The following SDSL variants were observed in gnomAD, a reference collection of about 807,000 sequenced individuals.
SDSL encodes the protein serine dehydratase like.
Under a neutral mutation model 27.6 loss-of-function variants are expected in SDSL, and 26 were observed. That is an observed-to-expected ratio of 0.94 (90% confidence interval 0.69 to 1.31). SDSL has a LOEUF of 1.31. Among genes scored for constraint, SDSL ranks in the 50% most tolerant of loss-of-function variants. The probability of loss-of-function intolerance (pLI) is 0.00; values close to 1 mark genes in which losing one functional copy is unlikely to be tolerated. For synonymous variants in SDSL, 196 were observed against 180.6 expected, an observed-to-expected ratio of 1.09 and a Z score of -0.69; for missense variants, 431 against 423.5, an observed-to-expected ratio of 1.02 and a Z score of -0.16.
Position 113,438,261 on chromosome 12 carries a change from A to ACT in SDSL, c.*183_*184insTC. On this transcript the variant is annotated 3_prime_UTR_variant, in exon 8 of 8. Coordinates refer to ENST00000403593, the MANE Select transcript of SDSL (RefSeq NM_001304993.2). ...GCTCTCCGACAACTCCGGCCAATAAACACTTTCTGAATTGAGTTTGCGAAT... is the reference window on the plus strand; with the variant it reads ...GCTCTCCGACAACTCCGGCCAATAAACTCACTTTCTGAATTGAGTTTGCGAAT... 1.9e-6 allele frequency: 1 copy of ACT among 514,908 alleles called. No individual in the cohort carries two copies. Among genetic ancestry groups the ACT allele is most frequent in the South Asian group, 3.1e-5 (1 of 32,172 alleles). The allele number at this position is 514,908 out of a possible 1,614,324, so 31.9% of individuals were successfully genotyped here.
intron 1 of SDSL, among the ~76,000 whole-genome samples, chr12:113,427,416 G>C (rs1371877553): frequency 6.6e-6 from 1 of 152,236 alleles, no homozygotes; most frequent in African/African-American, 2.4e-5. Flanking sequence ...CCTGCCAGCT[G>C]AAGGTCTTTA....
At chr12:113,423,992 G>A (rs944413258) in intron 1 of SDSL, among the ~76,000 whole-genome samples, 17 of 151,998 alleles carry the variant, frequency 1.1e-4, no homozygotes, top group African/African-American at 4.1e-4. Flanking sequence ...CTCATTTTTC[G>A]GGTCTAATTT....
rs376507324 is a variant in SDSL at position 113,429,058 on chromosome 12, A to G, written c.215-102A>G. ...AGGAAGGAGTCAATGGGGCATATGA[A>G]TGTTGGGGACGAGTGACTCTGAAGG... On this transcript the variant is annotated intron_variant, in intron 3 of 7. Coordinates refer to ENST00000403593, the MANE Select transcript of SDSL (RefSeq NM_001304993.2). 255 of 1,389,166 alleles carry G rather than the reference A, an allele frequency of 1.8e-4. 2 individuals are homozygous for G. In the South Asian group the frequency reaches 3.4e-3, roughly 18 times the overall value. The allele number at this position is 1,389,166 out of a possible 1,614,324, so 86.1% of individuals were successfully genotyped here. A position where few individuals can be genotyped will look rare whatever the true frequency, so the allele number is the denominator to read the frequency against.
At position 113,437,957 on chromosome 12, in the gene SDSL, A is replaced by G; in HGVS notation, c.868A>G (p.Arg290Gly). Residue 290 changes from arginine (R) to glycine (G), a missense_variant, in exon 8 of 8, where the codon AGG becomes GGG. Transcript: ENST00000403593. ...AGCCATCTACTCAGGCCTCCTGCGG[A>G]GGCTCCAGGCCGAGGGCTGCCTGCC... ...LAAIYSGLLRRLQAEGCLPPS... is the reference protein window; with the variant it reads ...LAAIYSGLLRGLQAEGCLPPS... 2 of 1,614,072 alleles carry G rather than the reference A, an allele frequency of 1.2e-6. No homozygotes were observed. The highest frequency in any genetic ancestry group is 1.7e-6 in the Non-Finnish European group (2 of 1,179,948).
In SDSL at chr12:113,432,276, CTT is replaced by C. The variant is rs1245601677; in HGVS notation, c.355-1856_355-1855del. Reference sequence around the variant, plus strand: ...TCTTTCTTTCTTTCTTTCTTTCTTTCTTTCTTTCTTTCTTTCTCTCTCTCTCT... The same window carrying C: ...TCTTTCTTTCTTTCTTTCTTTCTTTCTCTTTCTTTCTTTCTCTCTCTCTCT... On this transcript the variant is annotated intron_variant, in intron 4 of 7. Transcript: ENST00000403593. Among the ~76,000 whole-genome samples the C allele has an allele frequency of 2.6e-3, 339 of 131,002 alleles. 3 individuals carry two copies. Among genetic ancestry groups the C allele is most frequent in the African/African-American group, 8.7e-3 (290 of 33,378 alleles). 85.9% of individuals were successfully genotyped at this position (131,002 alleles called of 152,430 possible).
intron 4 of SDSL, among the ~76,000 whole-genome samples, chr12:113,432,270 T>TTCTCTCTCTC (rs1180524457): frequency 1.7e-5 from 2 of 116,266 alleles, no homozygotes; most frequent in African/African-American, 6.4e-5. Flanking sequence ...CTTTCTTTCT[T>TTCTCTCTCTC]TCTTTCTTTC....
intron 1 of SDSL, chr12:113,426,311 G>C (rs1329550947): frequency 2.2e-6 from 1 of 453,984 alleles, no homozygotes; most frequent in South Asian, 1.6e-5. Context: ...GATGGAGGCA[G>C]AGTTAAAAGA....
chr12:113,423,835 G>A (rs745944627), intron 1 of SDSL, among the ~76,000 whole-genome samples: 10 of 152,090 alleles, frequency 6.6e-5, no homozygotes, highest in Non-Finnish European at 1.2e-4. Flanking sequence ...GAAAAATCTG[G>A]GGATTTCACC....
chr12:113,435,658 C>T lies in SDSL; in HGVS notation c.671+102C>T, dbSNP rs113567755. Reference sequence around the variant, plus strand: ...GGTGGAGACGGGGGCACCCAAAAGGCTGTCCTTGGTCCTGGGACTCCAACC... The same window carrying T: ...GGTGGAGACGGGGGCACCCAAAAGGTTGTCCTTGGTCCTGGGACTCCAACC... On this transcript the variant is annotated intron_variant, in intron 6 of 7. Coordinates refer to ENST00000403593, the MANE Select transcript of SDSL (RefSeq NM_001304993.2). 177 of 962,094 alleles carry T rather than the reference C, an allele frequency of 1.8e-4. No individual in the cohort carries two copies. In the African/African-American group the frequency reaches 2.5e-3, roughly 14 times the overall value. The allele number at this position is 962,094 out of a possible 1,614,324, so 59.6% of individuals were successfully genotyped here. A position where few individuals can be genotyped will look rare whatever the true frequency, so the allele number is the denominator to read the frequency against.
rs116477997 is a variant in SDSL, at chr12:113,425,659, C to G, written c.-21-2303C>G. 3.3e-3 allele frequency: 1,490 copies of G among 455,738 alleles called. 13 individuals carry two copies. Among genetic ancestry groups the G allele is most frequent in the African/African-American group, 0.027 (1,336 of 50,086 alleles). The allele number at this position is 455,738 out of a possible 1,614,324, so 28.2% of individuals were successfully genotyped here. ...ATTTCCTCCATCTCTTCTTTTCGTC[C>G]TTACCCACTGGTCCATTCACACACA... On this transcript the variant is annotated intron_variant, in intron 1 of 7. Transcript: ENST00000403593.
chr12:113,432,261 TTTCTTTC>T (rs1565879119), intron 4 of SDSL, among the ~76,000 whole-genome samples: 1 of 142,268 alleles, frequency 7.0e-6, no homozygotes, highest in African/African-American at 2.7e-5. Context: ...TCTTTCTTTC[TTTCTTTC>T]TTTCTTTCTT....
In SDSL at chr12:113,438,075, T is replaced by A. The variant is rs2136963959; in HGVS notation, c.986T>A (p.Val329Asp). The A allele has an allele frequency of 6.2e-7, 1 of 1,612,926 alleles. No homozygotes were observed. Among genetic ancestry groups the A allele is most frequent in the East Asian group, 2.2e-5 (1 of 44,870 alleles). ...LQALKTHLGQV is the reference protein window; with the variant it reads ...LQALKTHLGQD ...GCTTTGAAAACCCACCTGGGCCAGG[T>A]CTGAGGGGTCCCATCCTGGCCCCAA... Residue 329 changes from valine to aspartate, a missense_variant, in exon 8 of 8, where the codon GTC (valine) becomes GAC (aspartate). Val to Asp is a radical substitution (Grantham distance 152). Coordinates refer to ENST00000403593, the MANE Select transcript of SDSL (RefSeq NM_001304993.2).
chr12:113,432,274 T>TTCTTTCTCTC (rs1193791937), intron 4 of SDSL, among the ~76,000 whole-genome samples: 4 of 89,306 alleles, frequency 4.5e-5, no homozygotes, highest in African/African-American at 1.6e-4. Flanking sequence ...CTTTCTTTCT[T>TTCTTTCTCTC]TCTTTCTTTC....
At chr12:113,423,027 A>G (rs1368675102) in intron 1 of SDSL, 3 of 152,214 alleles carry the variant, frequency 2.0e-5, no homozygotes, top group Non-Finnish European at 4.4e-5. Context: ...GCCATACGGG[A>G]CAAGAGGTGT....
At chr12:113,427,009 A>T (rs1957857978) in intron 1 of SDSL, 1 of 152,232 alleles carries the variant, frequency 6.6e-6, no homozygotes, top group Admixed American at 6.5e-5. Flanking sequence ...TAAAAGAATA[A>T]TAGTAATTAA....
chr12:113,423,771 G>A (rs971219492), intron 1 of SDSL, among the ~76,000 whole-genome samples: 11 of 151,982 alleles, frequency 7.2e-5, no homozygotes, highest in Non-Finnish European at 1.5e-4. Flanking sequence ...ACAAGAAAGC[G>A]GAAGGATTAT....
chr12:113,432,276 CTTT>C (rs1957940873), intron 4 of SDSL, among the ~76,000 whole-genome samples: 1 of 131,042 alleles, frequency 7.6e-6, no homozygotes, highest in East Asian at 2.1e-4. Flanking sequence ...TTCTTTCTTT[CTTT>C]CTTTCTTTCT....
chr12:113,432,549 C>T (rs980027481), intron 4 of SDSL, among the ~76,000 whole-genome samples: 3 of 152,072 alleles, frequency 2.0e-5, no homozygotes, highest in Non-Finnish European at 4.4e-5. Context: ...ACCATGTTGG[C>T]CAGGATGGTC....
In SDSL at chr12:113,428,037, C is replaced by T. The variant is rs1414149076; in HGVS notation, c.55C>T (p.Pro19Ser). Residue 19 changes from proline to serine, a missense_variant, in exon 2 of 8, where the codon CCT (proline) becomes TCT (serine). Coordinates refer to ENST00000403593, the MANE Select transcript of SDSL (RefSeq NM_001304993.2). ...AKQEPFHVVT[P>S]LLESWALSQV... ...GCAGGAGCCCTTTCACGTGGTCACA[C>T]CTCTGTTGGAGAGCTGGGCGCTGTC... The T allele has an allele frequency of 4.3e-6, 7 of 1,613,774 alleles. No individual in the cohort carries two copies. Among genetic ancestry groups the T allele is most frequent in the Non-Finnish European group, 5.9e-6 (7 of 1,179,942 alleles).
Sources: allele counts gnomAD v4.1 joint callset (sites outside exome capture counted in the v4.1 genomes callset), GRCh38; gene constraint gnomAD v4.1.1; transcripts MANE v1.5; gene names NCBI Gene and HGNC (gene_info 2026-07-23, HGNC 2026-07-21).